CNOT2: variants seen among roughly 807,000 people sequenced by gnomAD.
The protein encoded by CNOT2 is CC chemokine receptor 4-negative regulator of transcription 2.
CNOT2 carries 7 observed loss-of-function variants against 72.1 expected under a neutral mutation model. The ratio of observed to expected loss-of-function variants is 0.10; its 90% CI spans 0.06 to 0.18. The LOEUF is 0.18. CNOT2 is among the 10% of genes least tolerant of loss of function. CNOT2 has a pLI of 1.00. For missense variants in CNOT2, 345 were observed against 660.3 expected, an observed-to-expected ratio of 0.52 and a Z score of 5.23; for synonymous variants, 196 against 225.6, an observed-to-expected ratio of 0.87 and a Z score of 1.17.
At chr12:70,250,558 CAT>C (rs1177364398) in intron 1 of CNOT2, among the ~76,000 whole-genome samples, 1 of 151,758 alleles carries the variant, frequency 6.6e-6, no homozygotes, top group Admixed American at 6.6e-5. Flanking sequence ...AATAAATAAA[CAT>C]AATTTCAGGT....
chr12:70,309,028 T>C (rs1279389092), intron 2 of CNOT2, among the ~76,000 whole-genome samples: 1 of 152,182 alleles, frequency 6.6e-6, no homozygotes, highest in Non-Finnish European at 1.5e-5. Flanking sequence ...ATCTTATGTG[T>C]AGTGAATCTT....
At chr12:70,350,602 C>A (rs998406639) in intron 15 of CNOT2, among the ~76,000 whole-genome samples, 5 of 152,202 alleles carry the variant, frequency 3.3e-5, no homozygotes, top group African/African-American at 1.2e-4. Flanking sequence ...CCTTTGCTTT[C>A]TGATGGTTCA....
intron 3 of CNOT2, among the ~76,000 whole-genome samples, chr12:70,317,242 A>G (rs1877486887): frequency 1.3e-5 from 2 of 152,120 alleles, no homozygotes; most frequent in Non-Finnish European, 2.9e-5. Flanking sequence ...ACTAAAAAGG[A>G]TAAAACTTCC....
chr12:70,352,906 A>G (rs935874206), intron 15 of CNOT2, among the ~76,000 whole-genome samples: 7 of 151,886 alleles, frequency 4.6e-5, no homozygotes, highest in African/African-American at 1.7e-4. Flanking sequence ...GCTGCTATCT[A>G]GTTTTCAAAT....
intron 2 of CNOT2, among the ~76,000 whole-genome samples, chr12:70,296,777 T>G (rs1347878425): frequency 6.8e-6 from 1 of 147,192 alleles, no homozygotes; most frequent in African/African-American, 2.5e-5. Flanking sequence ...CTTTTTAAAT[T>G]GTTTTTCAAG....
At chr12:70,296,901 A>G (rs550126167) in intron 2 of CNOT2, among the ~76,000 whole-genome samples, 4 of 152,330 alleles carry the variant, frequency 2.6e-5, no homozygotes, top group South Asian at 2.1e-4. Context: ...AAATATTTCC[A>G]GGTTGTAACA....
intron 2 of CNOT2, among the ~76,000 whole-genome samples, chr12:70,284,681 G>C (rs1204885824): frequency 6.7e-6 from 1 of 149,828 alleles, no homozygotes; most frequent in Non-Finnish European, 1.5e-5. Flanking sequence ...TTCCTCATTG[G>C]TTGGCTCATT....
intron 6 of CNOT2, chr12:70,331,417 T>A: frequency 6.6e-6 from 1 of 152,012 alleles, no homozygotes; most frequent in South Asian, 2.1e-4. Flanking sequence ...TTTCTAACCT[T>A]ATATCTTTAT....
intron 3 of CNOT2, among the ~76,000 whole-genome samples, chr12:70,316,026 C>A (rs969743704): frequency 6.6e-6 from 1 of 152,118 alleles, no homozygotes; most frequent in African/African-American, 2.4e-5. Flanking sequence ...ATTTATTGAG[C>A]ACATACTATA....
chr12:70,293,366 T>C (rs891602739), intron 2 of CNOT2, among the ~76,000 whole-genome samples: 1 of 151,876 alleles, frequency 6.6e-6, no homozygotes, highest in African/African-American at 2.4e-5. Flanking sequence ...TCCATGTTGG[T>C]CAGGCTGGTC....
At chr12:70,343,183 T>G (rs1199758641) in intron 13 of CNOT2, among the ~76,000 whole-genome samples, 1 of 152,184 alleles carries the variant, frequency 6.6e-6, no homozygotes, top group Non-Finnish European at 1.5e-5. Flanking sequence ...TCCAGAACCT[T>G]TTCTTATTAC....
At chr12:70,265,645 C>T (rs1320428019) in intron 1 of CNOT2, among the ~76,000 whole-genome samples, 3 of 151,488 alleles carry the variant, frequency 2.0e-5, no homozygotes, top group Admixed American at 2.0e-4. Context: ...TTTTTCCTCT[C>T]ATCTTTATTT....
chr12:70,316,024 A>G (rs1877273622), intron 3 of CNOT2, among the ~76,000 whole-genome samples: 1 of 152,148 alleles, frequency 6.6e-6, no homozygotes. Flanking sequence ...CCATTTATTG[A>G]GCACATACTA....
chr12:70,335,287 T>C (rs1377528722), intron 7 of CNOT2, 151 bp from the exon 8 acceptor site: 32 of 514,908 alleles, frequency 6.2e-5, no homozygotes, highest in African/African-American at 1.9e-5. Context: ...AATCTGCAAG[T>C]ATCTTTTGAG....
At chr12:70,243,764 C>CGCT (rs1198100660) in intron 1 of CNOT2, 1 of 152,316 alleles carries the variant, frequency 6.6e-6, no homozygotes, top group Admixed American at 6.5e-5. Flanking sequence ...GTACTCGGGC[C>CGCT]GCTGCAGCAG....
intron 4 of CNOT2, 58 bp from the exon 5 acceptor site, chr12:70,329,365 G>A (rs1879585408): frequency 2.1e-6 from 3 of 1,428,332 alleles, no homozygotes. Flanking sequence ...TCCAGAAGAT[G>A]GATAACAATT....
intron 2 of CNOT2, among the ~76,000 whole-genome samples, chr12:70,279,996 G>A (rs1344482569): frequency 1.3e-5 from 2 of 151,952 alleles, no homozygotes; most frequent in East Asian, 3.9e-4. Flanking sequence ...TTCGTTTATT[G>A]ATACATAATT....
Position 70,338,489 on chromosome 12 carries a change from A to G in CNOT2, c.947A>G (p.Lys316Arg). Residue 316 changes from lysine to arginine, a missense_variant, in exon 10 of 16, where the codon AAA becomes AGA. Coordinates refer to ENST00000229195, the MANE Select transcript of CNOT2 (RefSeq NM_014515.7). ...GKTTSSTDGP[K>R]FPGDKSSTTQ... Reference sequence around the variant, plus strand: ...ACAACTTCAAGTACAGATGGACCCAAATTCCCTGGAGATAAAAGTTCAACA... The same window carrying G: ...ACAACTTCAAGTACAGATGGACCCAGATTCCCTGGAGATAAAAGTTCAACA... 6.2e-7 allele frequency: 1 copy of G among 1,613,268 alleles called. No individual in the cohort carries two copies.
chr12:70,249,582 T>G (rs1273284720), intron 1 of CNOT2, among the ~76,000 whole-genome samples: 1 of 152,044 alleles, frequency 6.6e-6, no homozygotes. Context: ...AAATAGATGT[T>G]AATGGAAGAC....
Sources: allele counts gnomAD v4.1 joint callset (sites outside exome capture counted in the v4.1 genomes callset), GRCh38; gene constraint gnomAD v4.1.1; transcripts MANE v1.5; gene names NCBI Gene and HGNC (gene_info 2026-07-23, HGNC 2026-07-21).